NELL1: variants seen among roughly 807,000 people sequenced by gnomAD.
The protein encoded by NELL1 is protein kinase C-binding protein NELL1.
NELL1 carries 76 observed loss-of-function variants against 107.4 expected under a neutral mutation model. The observed-to-expected ratio is 0.71, with a 90% CI of 0.59 to 0.86. The LOEUF (loss-of-function observed/expected upper bound fraction) is 0.86, where lower values mean the gene tolerates loss of function less well. Among genes scored for constraint, NELL1 ranks in the 40% least tolerant of loss-of-function variants. NELL1 has a pLI of 0.00. For synonymous variants in NELL1, 353 were observed against 341.2 expected (o/e 1.03, Z -0.38); for missense variants, 1,024 against 1,005.5 (o/e 1.02, Z -0.25).
chr11:21,536,706 A>G (rs61888080), intron 16 of NELL1, among the ~76,000 whole-genome samples: 49 of 151,690 alleles, frequency 3.2e-4, no homozygotes, highest in Non-Finnish European at 6.3e-4. Context: ...CATGTGATCA[A>G]TAAAGACACT....
chr11:20,703,189 C>A (rs1032902965), intron 2 of NELL1, among the ~76,000 whole-genome samples: 1 of 152,018 alleles, frequency 6.6e-6, no homozygotes, highest in Non-Finnish European at 1.5e-5. Flanking sequence ...GAGCCTGTTA[C>A]TGGTCTATTC....
chr11:21,333,084 A>C (rs1850308009), intron 14 of NELL1, among the ~76,000 whole-genome samples: 1 of 152,034 alleles, frequency 6.6e-6, no homozygotes, highest in Non-Finnish European at 1.5e-5. Flanking sequence ...CATGGACTTA[A>C]GGTCATTCTT....
At chr11:21,107,802 C>T (rs770689332) in intron 12 of NELL1, among the ~76,000 whole-genome samples, 1 of 152,102 alleles carries the variant, frequency 6.6e-6, no homozygotes, top group Non-Finnish European at 1.5e-5. Context: ...GGTCCAACTC[C>T]CTGAATGTAT....
At chr11:21,238,027 C>T (rs1858254327) in intron 14 of NELL1, among the ~76,000 whole-genome samples, 1 of 152,082 alleles carries the variant, frequency 6.6e-6, no homozygotes, top group Admixed American at 6.6e-5. Flanking sequence ...GAAATGTCCA[C>T]TTGGATCCCT....
chr11:21,111,535 G>T (rs554161540), intron 12 of NELL1, among the ~76,000 whole-genome samples: 1 of 152,232 alleles, frequency 6.6e-6, no homozygotes, highest in African/African-American at 2.4e-5. Flanking sequence ...CATGCAACAG[G>T]TATATGGTGC....
intron 15 of NELL1, among the ~76,000 whole-genome samples, chr11:21,459,009 AAAG>A (rs1219311297): frequency 2.6e-5 from 4 of 152,114 alleles, no homozygotes; most frequent in Admixed American, 2.0e-4. Flanking sequence ...AAGGCACAGC[AAAG>A]AAGAACCATA....
intron 13 of NELL1, among the ~76,000 whole-genome samples, chr11:21,119,858 G>A (rs1041827687): frequency 2.6e-5 from 4 of 152,010 alleles, no homozygotes; most frequent in Admixed American, 6.6e-5. Context: ...TAAACTCCCC[G>A]TGTTTCTGGC....
In NELL1 at chr11:21,435,223, T is replaced by A. The variant is rs1853076047; in HGVS notation, c.1645+64275T>A. On this transcript the variant is annotated intron_variant, in intron 15 of 19. Coordinates refer to ENST00000357134, the MANE Select transcript of NELL1 (RefSeq NM_006157.5). ...TTCTGGTCCTATCTTATTCTTATGA[T>A]AAATAAGAGTGGTGAAAGTGGGCAT... Among the ~76,000 whole-genome samples the A allele has an allele frequency of 5.9e-5, 9 of 152,190 alleles. 1 individual carries two copies. The South Asian group carries it at 1.9e-3, about 32-fold the overall frequency.
At chr11:20,981,619 G>C (rs942152791) in intron 12 of NELL1, among the ~76,000 whole-genome samples, 4 of 152,166 alleles carry the variant, frequency 2.6e-5, no homozygotes, top group Admixed American at 2.6e-4. Context: ...AAAATCATTA[G>C]ATCTTTGACA....
At chr11:21,394,454 G>A (rs572058319) in intron 15 of NELL1, among the ~76,000 whole-genome samples, 23 of 151,006 alleles carry the variant, frequency 1.5e-4, no homozygotes, top group Admixed American at 8.0e-4. Flanking sequence ...ATATATGGCC[G>A]TGTGTGTGTG....
At chr11:21,015,456 A>T (rs149463422) in intron 12 of NELL1, among the ~76,000 whole-genome samples, 187 of 152,222 alleles carry the variant, frequency 1.2e-3, no homozygotes, top group Non-Finnish European at 5.1e-4. Flanking sequence ...ATGCCTGTCC[A>T]GGTGGTGTTG....
chr11:21,124,871 G>A (rs535499996), intron 13 of NELL1, among the ~76,000 whole-genome samples: 1 of 152,236 alleles, frequency 6.6e-6, no homozygotes, highest in Non-Finnish European at 1.5e-5. Flanking sequence ...AAAGTGCTGG[G>A]ATTACAGGGG....
At chr11:21,325,247 C>T (rs1004949122) in intron 14 of NELL1, among the ~76,000 whole-genome samples, 1 of 151,984 alleles carries the variant, frequency 6.6e-6, no homozygotes, top group Non-Finnish European at 1.5e-5. Flanking sequence ...ATTCTGTTTT[C>T]TGACTTGTTT....
intron 14 of NELL1, among the ~76,000 whole-genome samples, 192 bp downstream of exon 14, chr11:21,229,646 GA>G (rs1857991127): frequency 6.6e-6 from 1 of 152,204 alleles, no homozygotes; most frequent in Non-Finnish European, 1.5e-5. Flanking sequence ...GGAGTTGAAA[GA>G]AAAAGGTATA....
intron 12 of NELL1, among the ~76,000 whole-genome samples, chr11:21,065,071 T>C (rs1853835484): frequency 6.6e-6 from 1 of 152,214 alleles, no homozygotes; most frequent in Admixed American, 6.5e-5. Context: ...TCTGATTATG[T>C]CATCTTCTTT....
At chr11:20,744,957 T>A (rs1855970663) in intron 2 of NELL1, among the ~76,000 whole-genome samples, 1 of 152,204 alleles carries the variant, frequency 6.6e-6, no homozygotes, top group African/African-American at 2.4e-5. Context: ...AGTTTATGAC[T>A]TATGTGTTAC....
At chr11:20,951,457 G>A (rs1851067044) in intron 11 of NELL1, among the ~76,000 whole-genome samples, 2 of 152,024 alleles carry the variant, frequency 1.3e-5, no homozygotes. Flanking sequence ...AAGTTAGTAA[G>A]AACAGGTTCT....
chr11:20,805,671 T>C (rs1436462868), intron 3 of NELL1, among the ~76,000 whole-genome samples: 1 of 152,028 alleles, frequency 6.6e-6, no homozygotes, highest in Non-Finnish European at 1.5e-5. Context: ...CCCAGCTAAT[T>C]TTTTGTATTT....
intron 14 of NELL1, among the ~76,000 whole-genome samples, chr11:21,250,457 A>C (rs1035402569): frequency 1.3e-5 from 2 of 152,260 alleles, no homozygotes; most frequent in East Asian, 3.9e-4. Context: ...TGGCTGTTGG[A>C]ATTGAAATAT....
Sources: gnomAD v4.1 joint callset for allele counts (sites outside exome capture counted in the v4.1 genomes callset) on GRCh38, gnomAD v4.1.1 for gene constraint, MANE v1.5 for transcripts, NCBI Gene and HGNC (gene_info 2026-07-23, HGNC 2026-07-21) for gene names.